The following DST variants were observed in gnomAD, a reference collection of about 807,000 sequenced individuals.
DST encodes the protein dystonin, also known as bullous pemphigoid antigen.
Under a neutral mutation model 875.2 loss-of-function variants are expected in DST, and 253 were observed. The observed-to-expected ratio is 0.29, with a 90% CI of 0.26 to 0.32. The LOEUF is 0.32. Ranked by LOEUF, DST falls within the 10% of genes least tolerant of loss-of-function variation. The pLI is 1.00. For synonymous variants in DST, 3,124 were observed against 3,197.1 expected (o/e 0.98, Z 0.77); for missense variants, 8,287 against 9,111.6 (o/e 0.91, Z 3.68).
rs1425478859 is a variant in DST at position 56,813,285 on chromosome 6, A to G, written c.625+38112T>C. On this transcript the variant is annotated intron_variant, in intron 4 of 103. Transcript: ENST00000680361. ...GCATTAGGAGATATACCTAATGCTA[A>G]ATGACGAGTTAATGGGTGCAGCACA... 4.9e-3 allele frequency among the ~76,000 whole-genome samples: 730 copies of G among 149,280 alleles called. 3 individuals carry two copies. Among genetic ancestry groups the G allele is most frequent in the African/African-American group, 0.017 (691 of 40,698 alleles).
Position 56,606,769 on chromosome 6 carries a change from T to A in DST, c.7859A>T (p.Asp2620Val). The A allele has an allele frequency of 3.7e-6, 6 of 1,613,340 alleles. No homozygotes were observed. Among genetic ancestry groups the A allele is most frequent in the Non-Finnish European group, 5.1e-6 (6 of 1,179,586 alleles). Residue 2620 changes from aspartate (D) to valine (V), a missense_variant, in exon 40 of 104, where the codon GAT (aspartate) becomes GTT (valine). Asp to Val is a radical substitution (Grantham distance 152, BLOSUM62 -3). Around this residue, in one of 10 missense-constraint regions of DST, gnomAD observed 3,138 missense variants for 3,116.6 expected, o/e 1.01. Transcript: ENST00000680361. ...AAGAAGCAAAGAATCATGGTCATCA[T>A]CTTCAAACAAGGGAGTATCATAAAA... ...DDFYDTPLFEDDDHDSLLLDG... is the reference protein window; with the variant it reads ...DDFYDTPLFEVDDHDSLLLDG...
chr6:56,736,970 TG>T (rs2099527313), intron 4 of DST, among the ~76,000 whole-genome samples: 1 of 151,978 alleles, frequency 6.6e-6, no homozygotes, highest in Non-Finnish European at 1.5e-5. Context: ...GCCCAGGATT[TG>T]GAGACTAGCC....
chr6:56,843,199 C>T (rs1266020351), intron 4 of DST: 7 of 1,474,880 alleles, frequency 4.7e-6, no homozygotes, highest in Non-Finnish European at 6.4e-6. Context: ...CCTCGTAACC[C>T]CCGGACAGTA....
chr6:56,732,257 A>G (rs2099502192), intron 5 of DST, among the ~76,000 whole-genome samples: 1 of 152,226 alleles, frequency 6.6e-6, no homozygotes, highest in Non-Finnish European at 1.5e-5. Context: ...CTTGGTTAAA[A>G]GCAATTTGAT....
At position 56,848,447 on chromosome 6, in the gene DST, AG is replaced by A. The variant is rs1311146334; in HGVS notation, c.625+2949del. On this transcript the variant is annotated intron_variant, in intron 4 of 103. Coordinates refer to ENST00000680361, the MANE Select transcript of DST (RefSeq NM_001374736.1). ...TTCCTAAAAAGGGTGAATTTCAGGG[AG>A]GGGGTAAGTTTCAGGAAGAGTATGA... 2.0e-5 allele frequency among the ~76,000 whole-genome samples: 3 copies of A among 152,306 alleles called. No individual in the cohort carries two copies. The East Asian group carries it at 5.8e-4, about 29-fold the overall frequency.
At chr6:56,884,385 A>C (rs953597233) in intron 3 of DST, among the ~76,000 whole-genome samples, 2 of 152,190 alleles carry the variant, frequency 1.3e-5, no homozygotes, top group African/African-American at 4.8e-5. Context: ...TTATCATTTA[A>C]CATATTCCTC....
intron 4 of DST, among the ~76,000 whole-genome samples, chr6:56,787,480 G>A (rs1221803224): frequency 6.6e-6 from 1 of 152,124 alleles, no homozygotes; most frequent in Non-Finnish European, 1.5e-5. Context: ...ATACAAAATA[G>A]CTTGAAGTAT....
At chr6:56,636,257 CACACACACACAA>C (rs1563355406) in intron 23 of DST, among the ~76,000 whole-genome samples, 2 of 142,942 alleles carry the variant, frequency 1.4e-5, no homozygotes, top group African/African-American at 5.7e-5. Flanking sequence ...TATATATATA[CACACACACACAA>C]ACACACACAC....
Position 56,489,508 on chromosome 6 carries a change from T to C in DST, c.20859A>G (p.Thr6953=). 1 of 1,612,698 alleles carries C rather than the reference T, an allele frequency of 6.2e-7. No homozygotes were observed. The highest frequency in any genetic ancestry group is 8.5e-7 in the Non-Finnish European group (1 of 1,179,228). ...GACCCACCTTATGTTGTGCAAGTTG[T>C]GTTTTTATTTTGTCTGGATCATTTG... is the stretch of plus-strand genomic sequence containing the variant. ...EIANDPDKIK[T]QLAQHKEFQK... is the part of the protein sequence containing the mutation. Residue 6953 remains threonine (T), a synonymous_variant, in exon 86 of 104, where the codon ACA becomes ACG. Transcript: ENST00000680361.
chr6:56,926,864 G>A (rs1807431004), intron 2 of DST, among the ~76,000 whole-genome samples: 1 of 151,942 alleles, frequency 6.6e-6, no homozygotes, highest in Non-Finnish European at 1.5e-5. Flanking sequence ...AAGGAAGAAG[G>A]GACACAAAAC....
intron 4 of DST, among the ~76,000 whole-genome samples, chr6:56,775,388 C>T (rs1412457392): frequency 2.6e-5 from 4 of 152,158 alleles, no homozygotes; most frequent in Non-Finnish European, 4.4e-5. Context: ...GAACTGTGGC[C>T]ATCCTAATTA....
At chr6:56,482,928 G>T in intron 88 of DST, 51 bp from the exon 89 acceptor site, 1 of 1,376,950 alleles carries the variant, frequency 7.3e-7, no homozygotes, top group Non-Finnish European at 9.7e-7. Flanking sequence ...AACCAAAACA[G>T]CAACACATAC....
chr6:56,568,970 G>A (rs555672497), intron 54 of DST, among the ~76,000 whole-genome samples: 6 of 152,054 alleles, frequency 3.9e-5, no homozygotes, highest in Non-Finnish European at 8.8e-5. Flanking sequence ...AAAATAAATA[G>A]GAATTCAGAA....
In DST at chr6:56,521,161, AAGTT is replaced by A. The variant is rs1251543807; in HGVS notation, c.18130-3545_18130-3542del. Among the ~76,000 whole-genome samples the A allele has an allele frequency of 1.2e-4, 18 of 152,212 alleles. 1 individual carries two copies. The highest frequency in any genetic ancestry group is 3.8e-4 in the African/African-American group (16 of 41,568). On this transcript the variant is annotated intron_variant, in intron 69 of 103. Coordinates refer to ENST00000680361, the MANE Select transcript of DST (RefSeq NM_001374736.1). ...AAGAATCCCCATGAAAAAGAAGTGA[AAGTT>A]AGTCTTCTGTGGATTCTTACTTTTC...
chr6:56,782,207 G>A (rs1283043809), intron 4 of DST, among the ~76,000 whole-genome samples: 6 of 152,252 alleles, frequency 3.9e-5, no homozygotes, highest in South Asian at 4.1e-4. Context: ...GTCTCTGCCC[G>A]GCTTTGGGAT....
At chr6:56,633,841 C>A (rs971114325) in intron 27 of DST, among the ~76,000 whole-genome samples, 1 of 152,142 alleles carries the variant, frequency 6.6e-6, no homozygotes, top group African/African-American at 2.4e-5. Context: ...AACAAGTCTA[C>A]GAAACTCAAA....
intron 3 of DST, among the ~76,000 whole-genome samples, chr6:56,897,081 A>G (rs1458271212): frequency 1.3e-5 from 2 of 152,104 alleles, no homozygotes; most frequent in African/African-American, 4.8e-5. Context: ...TATTTCTATA[A>G]TTTTTATAGT....
intron 47 of DST, among the ~76,000 whole-genome samples, chr6:56,596,169 C>T (rs918520474): frequency 1.3e-5 from 2 of 152,032 alleles, no homozygotes; most frequent in African/African-American, 4.8e-5. Context: ...GCTGGGATTA[C>T]AGGCACGCAC....
At chr6:56,774,388 T>C (rs2099673702) in intron 4 of DST, among the ~76,000 whole-genome samples, 1 of 152,088 alleles carries the variant, frequency 6.6e-6, no homozygotes, top group Non-Finnish European at 1.5e-5. Context: ...TACCCATAGC[T>C]TAAAACCAAA....
Sources: gnomAD v4.1 joint callset for allele counts (sites outside exome capture counted in the v4.1 genomes callset) on GRCh38, gnomAD v4.1.1 for gene constraint, gnomAD v4.1.1 regional missense constraint, MANE v1.5 for transcripts, NCBI Gene and HGNC (gene_info 2026-07-23, HGNC 2026-07-21) for gene names.